DPP10: variants seen among roughly 807,000 people sequenced by gnomAD.
DPP10 encodes inactive dipeptidyl peptidase 10.
A neutral mutation model predicts 120.9 loss-of-function variants in DPP10; 33 were observed. The ratio of observed to expected loss-of-function variants is 0.27; its 90% CI spans 0.21 to 0.37. The LOEUF (loss-of-function observed/expected upper bound fraction) is 0.37, where lower values mean the gene tolerates loss of function less well. Among genes scored for constraint, DPP10 ranks in the 10% least tolerant of loss-of-function variants. The pLI, the probability that DPP10 is intolerant of heterozygous loss-of-function variation, is 1.00. For synonymous variants in DPP10, 337 were observed against 326.1 expected (o/e 1.03, Z -0.36); for missense variants, 816 against 942.8 (o/e 0.87, Z 1.76).
chr2:115,309,749 C>G (rs528922437), intron 2 of DPP10, among the ~76,000 whole-genome samples: 1 of 151,998 alleles, frequency 6.6e-6, no homozygotes, highest in African/African-American at 2.4e-5. Flanking sequence ...AATGGAAAGA[C>G]AGGATTTGAT....
chr2:115,514,962 ATGTG>A (rs1050093697), intron 4 of DPP10, among the ~76,000 whole-genome samples: 2 of 151,838 alleles, frequency 1.3e-5, no homozygotes, highest in South Asian at 2.1e-4. Context: ...ATACATTTAT[ATGTG>A]TGTGTATGTG....
intron 1 of DPP10, among the ~76,000 whole-genome samples, chr2:114,604,363 T>C (rs1283170495): frequency 1.3e-5 from 2 of 152,080 alleles, no homozygotes; most frequent in East Asian, 1.9e-4. Context: ...TATTAACTCA[T>C]ATTAACATAG....
At chr2:115,240,691 G>A (rs957069151) in intron 1 of DPP10, among the ~76,000 whole-genome samples, 12 of 152,112 alleles carry the variant, frequency 7.9e-5, no homozygotes, top group Non-Finnish European at 1.5e-4. Context: ...GCATCATCAC[G>A]ATATTTGCTT....
At position 115,842,341 on chromosome 2, in the gene DPP10, A is replaced by G; in HGVS notation, c.2387A>G (p.Glu796Gly). ...SVLPQEPEED[E>G] ...CTACCACAGGAACCAGAAGAAGATGAATAATGGACTGTATTTATACAGAAC... is the reference window on the plus strand; with the variant it reads ...CTACCACAGGAACCAGAAGAAGATGGATAATGGACTGTATTTATACAGAAC... Residue 796 changes from glutamate (E) to glycine (G), a missense_variant, in exon 26 of 26, where the codon GAA (glutamate) becomes GGA (glycine). Transcript: ENST00000410059. 6.2e-7 allele frequency: 1 copy of G among 1,613,718 alleles called. No individual in the cohort carries two copies. Among genetic ancestry groups the G allele is most frequent in the Non-Finnish European group, 8.5e-7 (1 of 1,179,806 alleles).
intron 1 of DPP10, among the ~76,000 whole-genome samples, chr2:114,586,481 T>G (rs1003590093): frequency 1.3e-5 from 2 of 152,220 alleles, no homozygotes; most frequent in Non-Finnish European, 2.9e-5. Context: ...GGAAATAAAC[T>G]AGTACCAGCA....
chr2:114,939,254 G>A (rs372294713), intron 1 of DPP10, among the ~76,000 whole-genome samples: 1 of 151,976 alleles, frequency 6.6e-6, no homozygotes, highest in African/African-American at 2.4e-5. Context: ...AGGAGGAGGA[G>A]GAAGAGCAGG....
chr2:114,788,830 C>T (rs950596994), intron 1 of DPP10, among the ~76,000 whole-genome samples: 3 of 152,106 alleles, frequency 2.0e-5, no homozygotes, highest in Admixed American at 1.3e-4. Context: ...TATTTTTCCA[C>T]CACACCTGTC....
At chr2:114,819,806 C>G (rs1053827659) in intron 1 of DPP10, among the ~76,000 whole-genome samples, 5 of 152,160 alleles carry the variant, frequency 3.3e-5, no homozygotes, top group Non-Finnish European at 7.4e-5. Context: ...ACCGGAAGCA[C>G]AGTGTGGCAT....
chr2:115,181,585 T>C (rs754927048), intron 1 of DPP10, among the ~76,000 whole-genome samples: 1 of 152,144 alleles, frequency 6.6e-6, no homozygotes, highest in Non-Finnish European at 1.5e-5. Flanking sequence ...CTAAAAGGGA[T>C]TATTCCAAGT....
chr2:114,587,169 C>T (rs1168246404), intron 1 of DPP10, among the ~76,000 whole-genome samples: 10 of 151,808 alleles, frequency 6.6e-5, no homozygotes, highest in Admixed American at 2.6e-4. Context: ...GGCATGGTGG[C>T]GCGTGCCTGT....
chr2:115,477,455 G>C (rs2075158312), intron 3 of DPP10, among the ~76,000 whole-genome samples: 1 of 151,888 alleles, frequency 6.6e-6, no homozygotes, highest in South Asian at 2.1e-4. Context: ...TATCTAAAGA[G>C]ATAAAAGTCT....
intron 1 of DPP10, among the ~76,000 whole-genome samples, chr2:115,293,770 T>A (rs1361410687): frequency 1.3e-5 from 2 of 151,760 alleles, no homozygotes; most frequent in Non-Finnish European, 1.5e-5. Flanking sequence ...TATGTTAGAG[T>A]CATAAACCCT....
At chr2:115,342,344 C>A (rs1023023654) in intron 2 of DPP10, among the ~76,000 whole-genome samples, 1 of 152,036 alleles carries the variant, frequency 6.6e-6, no homozygotes, top group African/African-American at 2.4e-5. Context: ...GTAGCTGGGA[C>A]CTCAGACATG....
intron 1 of DPP10, among the ~76,000 whole-genome samples, chr2:114,542,027 GT>G (rs1234339559): frequency 2.8e-5 from 4 of 140,392 alleles, no homozygotes; most frequent in Non-Finnish European, 4.7e-5. Flanking sequence ...TATACATACA[GT>G]TTTTTTTCTT....
intron 24 of DPP10, among the ~76,000 whole-genome samples, chr2:115,839,666 T>A (rs1575962914): frequency 1.0e-5 from 1 of 99,860 alleles, no homozygotes; most frequent in African/African-American, 4.4e-5. Flanking sequence ...AGAGCAAGAC[T>A]CCATCTCAAA....
chr2:115,259,966 A>C (rs764376876), intron 1 of DPP10, among the ~76,000 whole-genome samples: 18 of 151,670 alleles, frequency 1.2e-4, no homozygotes, highest in African/African-American at 3.9e-4. Context: ...TTTTATTTAT[A>C]ATTTAAAATA....
In DPP10 at chr2:114,868,113, G is replaced by A. The variant is rs190283432; in HGVS notation, c.60+425275G>A. On this transcript the variant is annotated intron_variant, in intron 1 of 25. Transcript: ENST00000410059. ...CCAAATCATGGTCAAAAGTTGCTTA[G>A]CATTTTAACAGGTGCATCATTATGA... Among the ~76,000 whole-genome samples the A allele has an allele frequency of 5.0e-4, 76 of 152,278 alleles. 1 individual carries two copies. Among genetic ancestry groups the A allele is most frequent in the Middle Eastern group, 6.8e-3 (2 of 294 alleles).
At chr2:115,468,560 G>A in intron 3 of DPP10, 4 of 413,634 alleles carry the variant, frequency 9.7e-6, no homozygotes, top group Admixed American at 5.8e-5. Flanking sequence ...CTCACTCAGT[G>A]GGGCTAATGT....
chr2:115,156,243 T>A (rs1311327591), intron 1 of DPP10, among the ~76,000 whole-genome samples: 2 of 152,218 alleles, frequency 1.3e-5, no homozygotes, highest in Non-Finnish European at 2.9e-5. Context: ...CTCTGCATGG[T>A]GAAAGGAACC....
Sources: gnomAD v4.1 joint callset for allele counts (sites outside exome capture counted in the v4.1 genomes callset) on GRCh38, gnomAD v4.1.1 for gene constraint, MANE v1.5 for transcripts, NCBI Gene and HGNC (gene_info 2026-07-23, HGNC 2026-07-21) for gene names.